The following SPOCK3 variants were observed in gnomAD, a reference collection of about 807,000 sequenced individuals.
SPOCK3 encodes the protein testican-3.
SPOCK3 carries 30 observed loss-of-function variants against 56.6 expected under a neutral mutation model. That is an observed-to-expected ratio of 0.53 (90% CI 0.40 to 0.72). The LOEUF is 0.72. Ranked by LOEUF, SPOCK3 falls within the 30% of genes least tolerant of loss-of-function variation. SPOCK3 has a pLI of 0.00. For synonymous variants in SPOCK3, 196 were observed against 183.3 expected, an observed-to-expected ratio of 1.07 and a Z score of -0.56; for missense variants, 527 against 530.0, an observed-to-expected ratio of 0.99 and a Z score of 0.06.
chr4:167,162,945 C>A (rs1204827739), intron 2 of SPOCK3, among the ~76,000 whole-genome samples: 1 of 151,680 alleles, frequency 6.6e-6, no homozygotes, highest in Non-Finnish European at 1.5e-5. Flanking sequence ...TATTTTCATT[C>A]TCTGGGTGGT....
At chr4:167,109,575 ATATT>A (rs1760716583) in intron 2 of SPOCK3, among the ~76,000 whole-genome samples, 1 of 136,108 alleles carries the variant, frequency 7.3e-6, no homozygotes, top group South Asian at 2.1e-4. Flanking sequence ...ACAAATATAT[ATATT>A]TATTATATAT....
At chr4:166,752,591 C>T (rs1482098690) in intron 8 of SPOCK3, among the ~76,000 whole-genome samples, 2 of 149,922 alleles carry the variant, frequency 1.3e-5, no homozygotes, top group African/African-American at 4.9e-5. Context: ...CACACACACA[C>T]ACACACACAC....
intron 3 of SPOCK3, among the ~76,000 whole-genome samples, chr4:167,024,651 A>G (rs1056966220): frequency 1.3e-5 from 2 of 152,038 alleles, no homozygotes; most frequent in African/African-American, 2.4e-5. Context: ...GACATTATGC[A>G]GTCCCAAAGA....
chr4:167,157,910 C>A (rs539135131), intron 2 of SPOCK3, among the ~76,000 whole-genome samples: 1 of 151,888 alleles, frequency 6.6e-6, no homozygotes, highest in African/African-American at 2.4e-5. Flanking sequence ...GGGTTTGCAA[C>A]GAGCCCTATA....
chr4:167,205,116 T>C (rs1466081687), intron 2 of SPOCK3, among the ~76,000 whole-genome samples: 1 of 124,074 alleles, frequency 8.1e-6, no homozygotes, highest in Non-Finnish European at 1.6e-5. Context: ...GAACACTCCA[T>C]GCCTGACTGA....
rs1350775600 is a variant in SPOCK3 at position 166,924,274 on chromosome 4, C to T, written c.351-11531G>A. 5.3e-5 allele frequency among the ~76,000 whole-genome samples: 8 copies of T among 152,152 alleles called. No homozygotes were observed. The East Asian group carries it at 1.5e-3, about 29-fold the overall frequency. On this transcript the variant is annotated intron_variant, in intron 4 of 10. Coordinates refer to ENST00000357545, the MANE Select transcript of SPOCK3 (RefSeq NM_001040159.2). ...TCAGCCTATCAAAGACTCTTTTCTG[C>T]CCTGTGTTTTAGAATTTTTAGCATG...
intron 6 of SPOCK3, among the ~76,000 whole-genome samples, chr4:166,796,025 C>T (rs995715049): frequency 1.3e-5 from 2 of 152,192 alleles, no homozygotes; most frequent in African/African-American, 2.4e-5. Context: ...TCAGATCCTT[C>T]TCCCCTTCCA....
chr4:166,870,947 C>T (rs1047303248), intron 6 of SPOCK3, among the ~76,000 whole-genome samples: 3 of 152,122 alleles, frequency 2.0e-5, no homozygotes, highest in Non-Finnish European at 2.9e-5. Context: ...GGCATTACCC[C>T]TGCTCACACT....
intron 6 of SPOCK3, among the ~76,000 whole-genome samples, chr4:166,836,180 G>A (rs978227029): frequency 1.3e-5 from 2 of 152,082 alleles, no homozygotes; most frequent in African/African-American, 2.4e-5. Flanking sequence ...GATGAAGTGA[G>A]GACCCACTAT....
At chr4:166,840,831 T>A (rs1747196348) in intron 6 of SPOCK3, among the ~76,000 whole-genome samples, 1 of 133,326 alleles carries the variant, frequency 7.5e-6, no homozygotes, top group South Asian at 2.5e-4. Flanking sequence ...CAGGCTGGAG[T>A]GCAGTGGCGC....
Position 167,189,816 on chromosome 4 carries a change from TACTCTCTGCTTTTACGAGTTCA to T in SPOCK3, c.189+44147_189+44168del, listed in dbSNP as rs1339589435. Among the ~76,000 whole-genome samples the T allele has an allele frequency of 7.5e-5, 11 of 145,856 alleles. 2 individuals are homozygous for T. Among genetic ancestry groups the T allele is most frequent in the African/African-American group, 2.9e-4 (11 of 38,234 alleles). On this transcript the variant is annotated intron_variant, in intron 2 of 10. Coordinates refer to ENST00000357545, the MANE Select transcript of SPOCK3 (RefSeq NM_001040159.2). ...ACCTAGTCTCTGCCAAATGCTGTTC[TACTCTCTGCTTTTACGAGTTCA>T]ACTTTTTAAGATTCTGTATATAAGT...
chr4:166,986,947 C>A (rs1747235821), intron 4 of SPOCK3, among the ~76,000 whole-genome samples: 1 of 152,108 alleles, frequency 6.6e-6, no homozygotes. Flanking sequence ...AATCTTCCCC[C>A]AGGAGTTACT....
At chr4:166,920,349 T>C (rs1738350381) in intron 4 of SPOCK3, among the ~76,000 whole-genome samples, 2 of 152,180 alleles carry the variant, frequency 1.3e-5, no homozygotes, top group Non-Finnish European at 2.9e-5. Flanking sequence ...ATCTGAAATT[T>C]ATATGGTGTG....
At chr4:166,973,245 G>T (rs571488377) in intron 4 of SPOCK3, among the ~76,000 whole-genome samples, 4 of 152,190 alleles carry the variant, frequency 2.6e-5, no homozygotes, top group Admixed American at 2.0e-4. Flanking sequence ...CTTCCACCAT[G>T]ATTGTAAGTT....
intron 3 of SPOCK3, among the ~76,000 whole-genome samples, chr4:167,051,953 T>TAACATATA (rs1440938749): frequency 6.6e-5 from 10 of 152,322 alleles, no homozygotes; most frequent in African/African-American, 2.2e-4. Context: ...TACAATTTAA[T>TAACATATA]AACATATAAG....
intron 2 of SPOCK3, among the ~76,000 whole-genome samples, chr4:167,079,585 T>C (rs1044634062): frequency 1.3e-5 from 2 of 151,880 alleles, no homozygotes; most frequent in African/African-American, 4.8e-5. Flanking sequence ...CATCAGTGAT[T>C]AGATGCCAAA....
chr4:167,152,480 G>A (rs751651696), intron 2 of SPOCK3, among the ~76,000 whole-genome samples: 1 of 152,122 alleles, frequency 6.6e-6, no homozygotes, highest in East Asian at 1.9e-4. Context: ...CCAGACAGTC[G>A]AGTAGCATCA....
chr4:167,007,754 C>T (rs1579977869), intron 3 of SPOCK3, among the ~76,000 whole-genome samples: 1 of 152,090 alleles, frequency 6.6e-6, no homozygotes, highest in East Asian at 1.9e-4. Flanking sequence ...TGTGACAAGC[C>T]TGCCTGTGTT....
At chr4:167,220,832 A>C (rs1735841379) in intron 2 of SPOCK3, among the ~76,000 whole-genome samples, 1 of 152,204 alleles carries the variant, frequency 6.6e-6, no homozygotes, top group Non-Finnish European at 1.5e-5. Context: ...CTATTTGAAC[A>C]GTATGTGATT....
Sources: gnomAD v4.1 joint callset for allele counts (sites outside exome capture counted in the v4.1 genomes callset) on GRCh38, gnomAD v4.1.1 for gene constraint, MANE v1.5 for transcripts, NCBI Gene and HGNC (gene_info 2026-07-23, HGNC 2026-07-21) for gene names.